The following TMEM145 variants were observed in gnomAD, a reference collection of about 807,000 sequenced individuals.
The protein encoded by TMEM145 is transmembrane protein 145.
In TMEM145, 46 loss-of-function variants were observed where a neutral mutation model predicts 68.5. The ratio of observed to expected loss-of-function variants is 0.67; its 90% CI spans 0.53 to 0.86. The LOEUF is 0.86. TMEM145 is among the 40% of genes least tolerant of loss of function. The pLI, the probability that TMEM145 is intolerant of heterozygous loss-of-function variation, is 0.00. For missense variants in TMEM145, 570 were observed against 645.8 expected, an observed-to-expected ratio of 0.88 and a Z score of 1.27; for synonymous variants, 255 against 280.2, an observed-to-expected ratio of 0.91 and a Z score of 0.90.
chr19:42,319,551 A>G (rs1477146359), intron 12 of TMEM145, among the ~76,000 whole-genome samples: 2 of 151,874 alleles, frequency 1.3e-5, no homozygotes, highest in African/African-American at 4.8e-5. Context: ...AATTCAAGTG[A>G]TTCTTCTGCC....
intron 14 of TMEM145, 23 bp from the exon 15 acceptor site, chr19:42,324,714 G>C (rs1232420769): frequency 1.4e-6 from 2 of 1,450,446 alleles, no homozygotes; most frequent in Non-Finnish European, 1.8e-6. Flanking sequence ...CGCGGGAGCC[G>C]CTCTCCCCGT....
chr19:42,315,103 A>G, intron 6 of TMEM145, 26 bp downstream of exon 6: 1 of 1,614,164 alleles, frequency 6.2e-7, no homozygotes, highest in Non-Finnish European at 8.5e-7. Flanking sequence ...CCTAGAAACC[A>G]GGCTCTCTGT....
intron 12 of TMEM145, among the ~76,000 whole-genome samples, chr19:42,320,062 C>G (rs1198207362): frequency 2.0e-5 from 3 of 152,062 alleles, no homozygotes; most frequent in African/African-American, 7.2e-5. Context: ...CCCGGGCTGT[C>G]TATTGATTTC....
At chr19:42,320,923 C>T (rs761300414) in intron 13 of TMEM145, 96 of 398,470 alleles carry the variant, frequency 2.4e-4, no homozygotes, top group Non-Finnish European at 3.8e-4. Context: ...GCCACCTCGC[C>T]GGGCCCATGC....
intron 12 of TMEM145, among the ~76,000 whole-genome samples, chr19:42,318,728 G>C (rs2038884466): frequency 1.3e-5 from 2 of 150,926 alleles, no homozygotes; most frequent in Admixed American, 1.3e-4. Flanking sequence ...GGGATATCTT[G>C]AGCAAGCATA....
chr19:42,317,587 G>C (rs2038871084), intron 11 of TMEM145, 122 bp from the exon 12 acceptor site: 6 of 820,070 alleles, frequency 7.3e-6, no homozygotes, highest in Non-Finnish European at 1.2e-5. Context: ...TCCGTGCCTG[G>C]CTCTCCTGTT....
chr19:42,319,592 G>A lies in TMEM145; in HGVS notation c.1074-725G>A, dbSNP rs868367709. On this transcript the variant is annotated intron_variant, in intron 12 of 14. Coordinates refer to ENST00000301204, the MANE Select transcript of TMEM145 (RefSeq NM_173633.3). ...CTCCCGAGTAGCTGGGACTACAGGC[G>A]CATGCCACCACACCCTGCTAATTTA... Among the ~76,000 whole-genome samples, 7 of 151,894 alleles carry A rather than the reference G, an allele frequency of 4.6e-5. No homozygotes were observed. In the East Asian group the frequency reaches 5.8e-4, roughly 13 times the overall value.
chr19:42,323,542 C>T (rs1289351907), intron 13 of TMEM145, 41 bp from the exon 14 acceptor site: 1 of 1,600,884 alleles, frequency 6.2e-7, no homozygotes, highest in Non-Finnish European at 8.5e-7. Flanking sequence ...AGCCTCCGGC[C>T]TGACAGTGCC....
In TMEM145 at chr19:42,324,888, C is replaced by T. The variant is rs543270587; in HGVS notation, c.*71C>T. The T allele has an allele frequency of 6.2e-5, 87 of 1,404,010 alleles. No individual in the cohort carries two copies. Among genetic ancestry groups the T allele is most frequent in the Non-Finnish European group, 6.5e-6 (7 of 1,080,754 alleles). 87.0% of individuals were successfully genotyped at this position (1,404,010 alleles called of 1,614,324 possible). A position where few individuals can be genotyped will look rare whatever the true frequency, so the allele number is the denominator to read the frequency against. ...CTGTGACTCTCCAGGACTCTGCGAC[C>T]CCGGGATGGATATTGCGATGCTGGT... On this transcript the variant is annotated 3_prime_UTR_variant, in exon 15 of 15. Transcript: ENST00000301204.
At chr19:42,321,833 C>A (rs548976351) in intron 13 of TMEM145, 1 of 152,350 alleles carries the variant, frequency 6.6e-6, no homozygotes, top group South Asian at 2.1e-4. Flanking sequence ...CATCCATATG[C>A]ATTTACTCCT....
chr19:42,318,977 G>A (rs751465829), intron 12 of TMEM145, among the ~76,000 whole-genome samples: 6 of 151,774 alleles, frequency 4.0e-5, no homozygotes, highest in Non-Finnish European at 5.9e-5. Flanking sequence ...CCAGTTACTC[G>A]GGAAGCTGAA....
At chr19:42,323,933 G>A in intron 14 of TMEM145, 144 bp downstream of exon 14, 2 of 716,432 alleles carry the variant, frequency 2.8e-6, no homozygotes, top group Non-Finnish European at 4.3e-6. Flanking sequence ...CCCCAACACC[G>A]CGCCGCGACC....
intron 7 of TMEM145, 42 bp from the exon 8 acceptor site, chr19:42,315,330 C>T (rs1430755024): frequency 6.2e-7 from 1 of 1,613,894 alleles, no homozygotes; most frequent in Non-Finnish European, 8.5e-7. Context: ...AGCTGCTCTC[C>T]CTTTCTGCCT....
intron 8 of TMEM145, 74 bp downstream of exon 8, chr19:42,315,514 A>C (rs1446355029): frequency 5.3e-6 from 8 of 1,519,228 alleles, no homozygotes; most frequent in South Asian, 2.3e-5. Flanking sequence ...GCCTAAGAGG[A>C]ATGCCTGGGG....
Position 42,315,240 on chromosome 19 carries a change from C to T in TMEM145, c.558C>T (p.Phe186=). ...TCCTCATCTTCATCCTCATCTTCTT[C>T]CTCTCTTGTTACTTTGGATGTGAGT... is the stretch of plus-strand genomic sequence containing the variant. ...TFLLIFILIF[F]LSCYFGYLLK... Residue 186 remains phenylalanine (F), a synonymous_variant, in exon 7 of 15, where the codon TTC becomes TTT. Transcript: ENST00000301204. The T allele has an allele frequency of 6.2e-7, 1 of 1,607,910 alleles. No homozygotes were observed. The highest frequency in any genetic ancestry group is 8.5e-7 in the Non-Finnish European group (1 of 1,175,782).
chr19:42,320,213 G>A (rs1411625624), intron 12 of TMEM145, 104 bp from the exon 13 acceptor site: 1 of 1,502,360 alleles, frequency 6.7e-7, no homozygotes, highest in Admixed American at 1.7e-5. Flanking sequence ...TCCAGTTTGG[G>A]ACCTGCCTGG....
At chr19:42,316,834 C>T (rs1466613315) in intron 10 of TMEM145, 36 bp from the exon 11 acceptor site, 1 of 1,611,794 alleles carries the variant, frequency 6.2e-7, no homozygotes, top group Non-Finnish European at 8.5e-7. Context: ...CCTGACGGCC[C>T]CCACCCTGCT....
At chr19:42,314,183 C>T (rs1047165745) in intron 1 of TMEM145, 89 bp from the exon 2 acceptor site, 117 of 1,443,046 alleles carry the variant, frequency 8.1e-5, no homozygotes, top group African/African-American at 9.8e-5. Context: ...AGCCAGGTAC[C>T]TGGGGGGTAG....
Position 42,314,869 on chromosome 19 carries a change from G to T in TMEM145, c.420+18G>T, listed in dbSNP as rs1413228837. Reference sequence around the variant, plus strand: ...TCCGCTCAGTGCGTGAACGGTGGTGGTATATTGCGCTCAGCAAGTGTGGGG... The same window carrying T: ...TCCGCTCAGTGCGTGAACGGTGGTGTTATATTGCGCTCAGCAAGTGTGGGG... On this transcript the variant is annotated intron_variant, in intron 5 of 14. Coordinates refer to ENST00000301204, the MANE Select transcript of TMEM145 (RefSeq NM_173633.3). 3 of 1,614,072 alleles carry T rather than the reference G, an allele frequency of 1.9e-6. No homozygotes were observed. The African/African-American group carries it at 4.0e-5, about 22-fold the overall frequency.
Sources: allele counts gnomAD v4.1 joint callset (sites outside exome capture counted in the v4.1 genomes callset), GRCh38; gene constraint gnomAD v4.1.1; transcripts MANE v1.5; gene names NCBI Gene and HGNC (gene_info 2026-07-23, HGNC 2026-07-21).